Variants in CTDP1 observed in about 807,000 individuals in gnomAD.
The protein encoded by CTDP1 is CTD phosphatase 1, also known as RNA polymerase II subunit A C-terminal domain phosphatase.
Under a neutral mutation model 91.8 loss-of-function variants are expected in CTDP1, and 47 were observed. The observed-to-expected ratio is 0.51, with a 90% CI of 0.41 to 0.65. The LOEUF is 0.65. Ranked by LOEUF, CTDP1 falls within the 30% of genes least tolerant of loss-of-function variation. The pLI is 0.00. For synonymous variants in CTDP1, 656 were observed against 598.5 expected, an observed-to-expected ratio of 1.10 and a Z score of -1.40; for missense variants, 1,272 against 1,373.7, an observed-to-expected ratio of 0.93 and a Z score of 1.17.
intron 1 of CTDP1, among the ~76,000 whole-genome samples, chr18:79,689,840 AATC>A (rs1480525083): frequency 6.6e-6 from 1 of 152,134 alleles, no homozygotes; most frequent in African/African-American, 2.4e-5. Flanking sequence ...AATGGCTTAT[AATC>A]TGTTATTGTT....
intron 10 of CTDP1, among the ~76,000 whole-genome samples, chr18:79,726,984 G>A (rs1226106073): frequency 6.6e-6 from 1 of 150,480 alleles, no homozygotes; most frequent in Non-Finnish European, 1.5e-5. Context: ...TGTGGGGGTG[G>A]GGTGACGCCG....
At chr18:79,747,923 G>C (rs118057335) in intron 12 of CTDP1, among the ~76,000 whole-genome samples, 85 of 152,318 alleles carry the variant, frequency 5.6e-4, no homozygotes, top group Non-Finnish European at 9.6e-4. Flanking sequence ...GCCAAATCGT[G>C]TGCACTGTGA....
chr18:79,730,186 T>G (rs2086537572), intron 11 of CTDP1, among the ~76,000 whole-genome samples: 1 of 152,224 alleles, frequency 6.6e-6, no homozygotes, highest in East Asian at 1.9e-4. Flanking sequence ...CATTAGCTGT[T>G]TTTTGTTTCA....
Position 79,714,953 on chromosome 18 carries a change from C to T in CTDP1, c.1493C>T (p.Ala498Val), listed in dbSNP as rs1244192226. Residue 498 changes from alanine (A) to valine (V), a missense_variant, in exon 8 of 13, where the codon GCA becomes GTA. This residue lies in a region of CTDP1 where 881 missense variants were observed against 911.6 expected (regional missense o/e 0.97). Coordinates refer to ENST00000613122, the MANE Select transcript of CTDP1 (RefSeq NM_004715.5). ...GCCCCAGAGGGAGCCGGGGCGCTGG[C>T]ACAGGGCAGTTCCCTGGAGCCGGGG... ...KAAPEGAGAL[A>V]QGSSLEPGRP... The T allele has an allele frequency of 7.0e-6, 11 of 1,565,532 alleles. No homozygotes were observed. Among genetic ancestry groups the T allele is most frequent in the South Asian group, 4.7e-5 (4 of 85,656 alleles).
intron 4 of CTDP1, among the ~76,000 whole-genome samples, chr18:79,699,185 C>T (rs1343234230): frequency 1.3e-5 from 2 of 152,190 alleles, no homozygotes; most frequent in African/African-American, 4.8e-5. Flanking sequence ...GCAGTCTATT[C>T]TTCTGTGCAG....
chr18:79,710,625 A>G (rs111765805), intron 6 of CTDP1, among the ~76,000 whole-genome samples, 189 bp downstream of exon 6: 15 of 147,690 alleles, frequency 1.0e-4, no homozygotes, highest in African/African-American at 3.5e-4. Context: ...AGTTCACGCC[A>G]TTCTCCTGCC....
At position 79,717,607 on chromosome 18, in the gene CTDP1, G is replaced by C; in HGVS notation, c.2141G>C (p.Cys714Ser). 6.2e-7 allele frequency: 1 copy of C among 1,613,946 alleles called. No homozygotes were observed. Among genetic ancestry groups the C allele is most frequent in the Non-Finnish European group, 8.5e-7 (1 of 1,179,970 alleles). ...GTCAACCCTGACTGGCTGTGGAGCT[G>C]CCTGGAGCGCTGGGACAAGGTGGAG... is the stretch of plus-strand genomic sequence containing the variant. Reference protein sequence around the residue: ...HVVNPDWLWSCLERWDKVEEQ... With the variant: ...HVVNPDWLWSSLERWDKVEEQ... The change falls in exon 9 of 13, where the codon TGC (cysteine) becomes TCC (serine). Residue 714 changes from cysteine to serine, a missense_variant. Physicochemically the swap from Cys to Ser is moderately radical, Grantham distance 112 (BLOSUM62 -1). Coordinates refer to ENST00000613122, the MANE Select transcript of CTDP1 (RefSeq NM_004715.5).
chr18:79,706,019 C>T (rs1168408635), intron 5 of CTDP1, among the ~76,000 whole-genome samples: 1 of 152,148 alleles, frequency 6.6e-6, no homozygotes, highest in Non-Finnish European at 1.5e-5. Flanking sequence ...GAGGGTTTTA[C>T]AGCCCCCAAG....
At chr18:79,751,755 ATGTG>A (rs938148301) in intron 12 of CTDP1, among the ~76,000 whole-genome samples, 1 of 152,184 alleles carries the variant, frequency 6.6e-6, no homozygotes, top group African/African-American at 2.4e-5. Context: ...CCTCGAGTGC[ATGTG>A]TGTTATATGC....
chr18:79,708,458 T>G (rs559959550), intron 5 of CTDP1, among the ~76,000 whole-genome samples: 1 of 152,356 alleles, frequency 6.6e-6, no homozygotes, highest in South Asian at 2.1e-4. Context: ...TCAGGGCACG[T>G]TCAGATCCGG....
intron 1 of CTDP1, among the ~76,000 whole-genome samples, chr18:79,683,405 C>T (rs1168047207): frequency 6.6e-6 from 1 of 152,218 alleles, no homozygotes; most frequent in African/African-American, 2.4e-5. Context: ...TCCACAACTG[C>T]TTTTGTGGAG....
chr18:79,694,115 G>T (rs930717217), intron 1 of CTDP1, among the ~76,000 whole-genome samples: 1 of 152,068 alleles, frequency 6.6e-6, no homozygotes, highest in Non-Finnish European at 1.5e-5. Context: ...TCTCATGTCC[G>T]CGGGTCAGGG....
chr18:79,715,244 A>C lies in CTDP1; in HGVS notation c.1784A>C (p.Glu595Ala). Residue 595 changes from glutamate (E) to alanine (A), a missense_variant, in exon 8 of 13, where the codon GAG (glutamate) becomes GCG (alanine). Glu to Ala is a moderately radical substitution (Grantham distance 107). This residue lies in a region of CTDP1 where 881 missense variants were observed against 911.6 expected (regional missense o/e 0.97). Transcript: ENST00000613122. ...DEDDHLIYLEEILVRVHTDYY... is the reference protein window; with the variant it reads ...DEDDHLIYLEAILVRVHTDYY... ...GATGACCACCTCATCTACCTGGAGGAGATCCTGGTCCGTGTACACACTGAC... is the reference window on the plus strand; with the variant it reads ...GATGACCACCTCATCTACCTGGAGGCGATCCTGGTCCGTGTACACACTGAC... The C allele has an allele frequency of 1.2e-6, 2 of 1,610,906 alleles. No homozygotes were observed. The highest frequency in any genetic ancestry group is 1.7e-6 in the Non-Finnish European group (2 of 1,178,676).
intron 2 of CTDP1, 105 bp from the exon 3 acceptor site, chr18:79,695,872 G>A (rs543333401): frequency 1.6e-5 from 14 of 888,396 alleles, no homozygotes; most frequent in Non-Finnish European, 2.6e-5. Flanking sequence ...AGATAGCAGC[G>A]TGTGTCCGTT....
intron 11 of CTDP1, among the ~76,000 whole-genome samples, chr18:79,732,182 C>T (rs192525168): frequency 6.1e-4 from 81 of 131,722 alleles, no homozygotes; most frequent in Admixed American, 4.9e-3. Context: ...AATCACCAGA[C>T]GTAAGAACTC....
rs1430689696 is a variant in CTDP1 at position 79,713,453 on chromosome 18, T to G, written c.1030+315T>G. On this transcript the variant is annotated intron_variant, in intron 7 of 12. Transcript: ENST00000613122. This position sits in a 1 kb window ranked among gnomAD's most constrained non-coding sequence, Gnocchi z 4.7. ...TTTTCCTTAAACACATCCCTGGGTA[T>G]TGGGCCATAGTGTTCTGTAGAGAGA... is the stretch of plus-strand genomic sequence containing the variant. Among the ~76,000 whole-genome samples the G allele has an allele frequency of 6.6e-5, 10 of 152,184 alleles. No individual in the cohort carries two copies. The highest frequency in any genetic ancestry group is 1.3e-4 in the Non-Finnish European group (9 of 68,030).
In CTDP1 at chr18:79,753,768, C is replaced by T. The variant is rs779829152; in HGVS notation, c.2864C>T (p.Ala955Val). ...EADEMAKALE[A>V]ELNDLM Reference sequence around the variant, plus strand: ...GACGAGATGGCCAAGGCGCTGGAGGCGGAGCTCAACGACCTCATGTGAGCG... The same window carrying T: ...GACGAGATGGCCAAGGCGCTGGAGGTGGAGCTCAACGACCTCATGTGAGCG... Residue 955 changes from alanine to valine, a missense_variant, in exon 13 of 13, where the codon GCG becomes GTG. This residue lies in a region of CTDP1 where 881 missense variants were observed against 911.6 expected (regional missense o/e 0.97). Coordinates refer to ENST00000613122, the MANE Select transcript of CTDP1 (RefSeq NM_004715.5). 4 of 1,613,524 alleles carry T rather than the reference C, an allele frequency of 2.5e-6. No individual in the cohort carries two copies. The highest frequency in any genetic ancestry group is 2.2e-5 in the East Asian group (1 of 44,890).
Position 79,717,691 on chromosome 18 carries a change from C to T in CTDP1, c.2210+15C>T, listed in dbSNP as rs760151041. 7.4e-6 allele frequency: 12 copies of T among 1,614,006 alleles called. No homozygotes were observed. Among genetic ancestry groups the T allele is most frequent in the African/African-American group, 1.3e-5 (1 of 75,034 alleles). On this transcript the variant is annotated intron_variant, in intron 9 of 12. Coordinates refer to ENST00000613122, the MANE Select transcript of CTDP1 (RefSeq NM_004715.5). ...AAGGCACAGAGGTGGGTCCTCGCTG[C>T]ACCCAGCAGGTCCGTGCCAGGCGTT...
chr18:79,753,546 G>A lies in CTDP1; in HGVS notation c.2748-106G>A, dbSNP rs994808964. 4.0e-5 allele frequency: 62 copies of A among 1,558,616 alleles called. 1 individual carries two copies. The East Asian group carries it at 5.9e-4, about 15-fold the overall frequency. On this transcript the variant is annotated intron_variant, in intron 12 of 12. Coordinates refer to ENST00000613122, the MANE Select transcript of CTDP1 (RefSeq NM_004715.5). ...GTGTCCTTGACCAGAGAATTGTGCC[G>A]TCTTGTGTTAAAACCACGGAAGCCA...
Sources: allele counts gnomAD v4.1 joint callset (sites outside exome capture counted in the v4.1 genomes callset), GRCh38; gene constraint gnomAD v4.1.1; regional missense constraint gnomAD v4.1.1; non-coding constraint Gnocchi (gnomAD v3.1); transcripts MANE v1.5; gene names NCBI Gene and HGNC (gene_info 2026-07-23, HGNC 2026-07-21).